SCARA5: variants seen among roughly 807,000 people sequenced by gnomAD.
SCARA5 encodes the protein scavenger receptor class A, member 5 (putative).
A neutral mutation model predicts 46.3 loss-of-function variants in SCARA5; 45 were observed. The observed-to-expected ratio is 0.97, with a 90% CI of 0.76 to 1.24. The LOEUF is 1.24. Among genes scored for constraint, SCARA5 ranks in the 50% most tolerant of loss-of-function variants. SCARA5 has a pLI of 0.00. For missense variants in SCARA5, 680 were observed against 689.0 expected, an observed-to-expected ratio of 0.99 and a Z score of 0.15; for synonymous variants, 333 against 306.5, an observed-to-expected ratio of 1.09 and a Z score of -0.90.
intron 7 of SCARA5, 134 bp from the exon 8 acceptor site, chr8:27,879,900 C>T (rs1806785068): frequency 2.6e-6 from 2 of 774,642 alleles, no homozygotes; most frequent in East Asian, 2.7e-5. Context: ...AGACTTCAGC[C>T]CCCAAATCAC....
At chr8:27,914,439 G>C (rs1383495210) in intron 4 of SCARA5, among the ~76,000 whole-genome samples, 1 of 152,216 alleles carries the variant, frequency 6.6e-6, no homozygotes, top group East Asian at 1.9e-4. Flanking sequence ...CCGGAGCCTG[G>C]TCAGGTGACC....
chr8:27,885,558 C>A (rs1156788877), intron 7 of SCARA5, among the ~76,000 whole-genome samples: 1 of 152,178 alleles, frequency 6.6e-6, no homozygotes, highest in Non-Finnish European at 1.5e-5. Context: ...AATATGGACC[C>A]AGATGGGCAG....
At chr8:27,980,894 A>G (rs1228109266) in intron 2 of SCARA5, among the ~76,000 whole-genome samples, 4 of 152,144 alleles carry the variant, frequency 2.6e-5, no homozygotes, top group Admixed American at 6.5e-5. Context: ...CTTCAGCAGA[A>G]GGCCAGGATC....
chr8:27,895,296 C>T (rs1161599506), intron 7 of SCARA5, among the ~76,000 whole-genome samples: 5 of 152,130 alleles, frequency 3.3e-5, no homozygotes, highest in Admixed American at 6.5e-5. Flanking sequence ...TGCCCCCAGC[C>T]GGCCTGAGGC....
chr8:27,905,031 G>A (rs1807229326), intron 6 of SCARA5, among the ~76,000 whole-genome samples, 197 bp from the exon 7 acceptor site: 1 of 152,044 alleles, frequency 6.6e-6, no homozygotes, highest in Admixed American at 6.6e-5. Context: ...AGAAGGAGGA[G>A]GCATGAGTGA....
intron 3 of SCARA5, among the ~76,000 whole-genome samples, chr8:27,933,999 G>A (rs114083097): frequency 0.019 from 2,840 of 152,284 alleles, 76 homozygotes; most frequent in African/African-American, 0.064. Flanking sequence ...GTTGTGGGAT[G>A]GTGGAAGAAT....
chr8:27,951,289 A>T (rs1808122537), intron 3 of SCARA5, among the ~76,000 whole-genome samples: 1 of 152,208 alleles, frequency 6.6e-6, no homozygotes, highest in Admixed American at 6.5e-5. Flanking sequence ...AGCTGTGCTG[A>T]GTGGAGCAGG....
chr8:27,877,307 G>A lies in SCARA5; in HGVS notation c.1351+2262C>T, dbSNP rs114052914. The stretch of plus-strand genomic sequence containing the variant: ...AGGGCACCATGATAGGGAAATAATG[G>A]GGCAAAAAAATAGGGCATTCGTGAA... On this transcript the variant is annotated intron_variant, in intron 8 of 8. Coordinates refer to ENST00000354914, the MANE Select transcript of SCARA5 (RefSeq NM_173833.6). Among the ~76,000 whole-genome samples, 622 of 152,132 alleles carry A rather than the reference G, an allele frequency of 4.1e-3. 8 individuals are homozygous for A. Among genetic ancestry groups the A allele is most frequent in the African/African-American group, 0.014 (592 of 41,508 alleles).
chr8:27,874,158 C>A (rs999485244), intron 8 of SCARA5, among the ~76,000 whole-genome samples: 1 of 152,218 alleles, frequency 6.6e-6, no homozygotes, highest in Non-Finnish European at 1.5e-5. Flanking sequence ...ATAGAGCTAA[C>A]GTTTGAGCTT....
At chr8:27,972,123 C>A (rs1025859023) in intron 2 of SCARA5, among the ~76,000 whole-genome samples, 1 of 151,986 alleles carries the variant, frequency 6.6e-6, no homozygotes, top group Admixed American at 6.6e-5. Flanking sequence ...TCAAGACCAG[C>A]CTGGCCAACA....
chr8:27,929,885 C>T (rs1463114284), intron 3 of SCARA5, among the ~76,000 whole-genome samples: 1 of 152,170 alleles, frequency 6.6e-6, no homozygotes, highest in East Asian at 1.9e-4. Flanking sequence ...GGTGGCAGAG[C>T]TCAGGCAGGC....
intron 2 of SCARA5, among the ~76,000 whole-genome samples, chr8:27,974,858 C>A (rs577906389): frequency 5.7e-4 from 86 of 151,854 alleles, no homozygotes; most frequent in African/African-American, 2.1e-3. Flanking sequence ...TGGAGCCTGG[C>A]AGGGTCCTCA....
At chr8:27,963,272 T>C (rs1360406271) in intron 3 of SCARA5, among the ~76,000 whole-genome samples, 1 of 152,196 alleles carries the variant, frequency 6.6e-6, no homozygotes, top group Non-Finnish European at 1.5e-5. Context: ...AAGTGCTGGA[T>C]TGAGGACCCC....
At chr8:27,992,193 C>G (rs1259518054) in intron 1 of SCARA5, 64 bp downstream of exon 1, 1 of 152,318 alleles carries the variant, frequency 6.6e-6, no homozygotes, top group Non-Finnish European at 1.5e-5. Context: ...TCACTCCAGT[C>G]TCCTCCAGCT....
intron 3 of SCARA5, among the ~76,000 whole-genome samples, chr8:27,925,382 T>C (rs1305442492): frequency 2.6e-5 from 4 of 152,114 alleles, no homozygotes; most frequent in South Asian, 4.1e-4. Context: ...AAACAAGAAA[T>C]GGGGAAAGGA....
At chr8:27,886,006 C>CTT (rs1184713355) in intron 7 of SCARA5, 1 of 154,762 alleles carries the variant, frequency 6.5e-6, no homozygotes, top group African/African-American at 2.4e-5. Context: ...ATGGCCCATG[C>CTT]TTACCATGCA....
At chr8:27,971,945 T>G (rs1433836759) in intron 2 of SCARA5, among the ~76,000 whole-genome samples, 1 of 152,106 alleles carries the variant, frequency 6.6e-6, no homozygotes, top group Non-Finnish European at 1.5e-5. Context: ...TCCACTTAAA[T>G]ACATTTAAAC....
chr8:27,930,840 T>A (rs1017266370), intron 3 of SCARA5, among the ~76,000 whole-genome samples: 69 of 152,278 alleles, frequency 4.5e-4, no homozygotes, highest in Admixed American at 6.5e-5. Flanking sequence ...TGCCCTGTGT[T>A]CAAGTCCTGC....
At position 27,958,217 on chromosome 8, in the gene SCARA5, G is replaced by A. The variant is rs190343902; in HGVS notation, c.241+8197C>T. Among the ~76,000 whole-genome samples the A allele has an allele frequency of 2.6e-5, 4 of 152,334 alleles. No homozygotes were observed. In the East Asian group the frequency reaches 7.7e-4, roughly 29 times the overall value. On this transcript the variant is annotated intron_variant, in intron 3 of 8. Transcript: ENST00000354914. Reference sequence around the variant, plus strand: ...CTGCCCCCAACTTCTACCCGGCTCAGGCGTGGTCAGAGGCATCACCCTGGG... The same window carrying A: ...CTGCCCCCAACTTCTACCCGGCTCAAGCGTGGTCAGAGGCATCACCCTGGG...
Sources: allele counts gnomAD v4.1 joint callset (sites outside exome capture counted in the v4.1 genomes callset), GRCh38; gene constraint gnomAD v4.1.1; transcripts MANE v1.5; gene names NCBI Gene and HGNC (gene_info 2026-07-23, HGNC 2026-07-21).